Variants in SVOP observed in about 807,000 individuals in gnomAD.
SVOP encodes the protein SV2 related protein.
A neutral mutation model predicts 69.1 loss-of-function variants in SVOP; 17 were observed. That is an observed-to-expected ratio of 0.25 (90% CI 0.17 to 0.37). SVOP has a LOEUF of 0.37. Among genes scored for constraint, SVOP ranks in the 10% least tolerant of loss-of-function variants. The pLI, the probability that SVOP is intolerant of heterozygous loss-of-function variation, is 1.00. For synonymous variants in SVOP, 238 were observed against 238.6 expected (o/e 1.00, Z 0.02); for missense variants, 435 against 597.5 (o/e 0.73, Z 2.84).
intron 5 of SVOP, among the ~76,000 whole-genome samples, chr12:108,970,015 C>T (rs943494161): frequency 6.6e-6 from 1 of 152,222 alleles, no homozygotes; most frequent in Non-Finnish European, 1.5e-5. Flanking sequence ...TAGTTTCCAG[C>T]CTGCTGCCTC....
chr12:108,988,960 A>G (rs991663191), intron 1 of SVOP, among the ~76,000 whole-genome samples: 2 of 151,456 alleles, frequency 1.3e-5, no homozygotes, highest in African/African-American at 4.9e-5. Flanking sequence ...TTTAGTAAAG[A>G]CGGGGTTTCA....
intron 2 of SVOP, among the ~76,000 whole-genome samples, chr12:108,980,344 T>A (rs902092033): frequency 6.6e-6 from 1 of 152,052 alleles, no homozygotes; most frequent in Non-Finnish European, 1.5e-5. Context: ...TTTTTTAGTT[T>A]AGTTGTTAAC....
rs143363150 is a variant in SVOP at position 108,959,503 on chromosome 12, G to A, written c.578+1420C>T. ...CAAGTATCTGGGACTACAGGTGCCC[G>A]CCACCAAGCCCGGAAAATTTTTGTA... On this transcript the variant is annotated intron_variant, in intron 6 of 15. Transcript: ENST00000610966. 2.3e-3 allele frequency among the ~76,000 whole-genome samples: 349 copies of A among 152,012 alleles called. 7 individuals are homozygous for A. Among genetic ancestry groups the A allele is most frequent in the African/African-American group, 8.0e-3 (333 of 41,482 alleles).
chr12:108,959,582 G>A (rs553095691), intron 6 of SVOP, among the ~76,000 whole-genome samples: 115 of 152,138 alleles, frequency 7.6e-4, no homozygotes, highest in Non-Finnish European at 1.3e-3. Context: ...TCAAACTCCT[G>A]AGCTCAAGTG....
intron 9 of SVOP, among the ~76,000 whole-genome samples, chr12:108,937,997 C>G (rs2039866716): frequency 6.6e-6 from 1 of 152,124 alleles, no homozygotes; most frequent in African/African-American, 2.4e-5. Flanking sequence ...GATCTCTCCC[C>G]AAAGGCAACC....
chr12:108,920,836 A>G (rs1419066292), intron 12 of SVOP, among the ~76,000 whole-genome samples: 1 of 152,084 alleles, frequency 6.6e-6, no homozygotes, highest in Non-Finnish European at 1.5e-5. Context: ...ACCTCAGGTA[A>G]TCTGCCTGCC....
Position 108,938,969 on chromosome 12 carries a change from G to T in SVOP, c.769-14C>A, listed in dbSNP as rs1361558713. 5.6e-6 allele frequency: 9 copies of T among 1,613,778 alleles called. No individual in the cohort carries two copies. Among genetic ancestry groups the T allele is most frequent in the Non-Finnish European group, 7.6e-6 (9 of 1,179,834 alleles). On this transcript the variant is annotated splice_polypyrimidine_tract_variant and intron_variant, in intron 8 of 15. Coordinates refer to ENST00000610966, the MANE Select transcript of SVOP (RefSeq NM_018711.5). The stretch of plus-strand genomic sequence containing the variant: ...TTCAGGCAGCCACTGGGATGGGGGA[G>T]ACAGGAAACCCAGGCGTGGCTGGTT...
intron 11 of SVOP, among the ~76,000 whole-genome samples, chr12:108,923,479 G>C (rs770687552): frequency 6.6e-6 from 1 of 152,206 alleles, no homozygotes; most frequent in South Asian, 2.1e-4. Flanking sequence ...CATAGGTGGG[G>C]TGGTGGGTCC....
At chr12:108,922,578 G>C (rs746321339) in intron 12 of SVOP, 112 bp downstream of exon 12, 1 of 749,088 alleles carries the variant, frequency 1.3e-6, no homozygotes, top group East Asian at 2.7e-5. Context: ...AAAGTCCCTC[G>C]CTGACTAAAA....
At chr12:108,937,797 C>G (rs989237704) in intron 9 of SVOP, among the ~76,000 whole-genome samples, 2 of 152,230 alleles carry the variant, frequency 1.3e-5, no homozygotes, top group Admixed American at 6.5e-5. Flanking sequence ...AGCTAAATGA[C>G]CGATTGGCCA....
At chr12:109,003,829 A>C (rs945213706) in intron 1 of SVOP, among the ~76,000 whole-genome samples, 33 of 152,124 alleles carry the variant, frequency 2.2e-4, no homozygotes, top group African/African-American at 7.0e-4. Flanking sequence ...GCTGGTCTCA[A>C]ACTCCTGGGC....
Position 109,020,757 on chromosome 12 carries a change from C to G in SVOP, c.35+77G>C. ...TCAAGAAACCATGCAGAGATGTACC[C>G]CCCCCCACCCCCCTTGCAGGTTTTC... On this transcript the variant is annotated intron_variant, in intron 1 of 15. Transcript: ENST00000610966. The G allele has an allele frequency of 7.0e-6, 2 of 287,318 alleles. 1 individual carries two copies. Among genetic ancestry groups the G allele is most frequent in the Non-Finnish European group, 1.4e-5 (2 of 146,520 alleles). The allele number at this position is 287,318 out of a possible 1,614,324, so 17.8% of individuals were successfully genotyped here.
chr12:109,001,856 C>G (rs2040272562), intron 1 of SVOP, among the ~76,000 whole-genome samples: 1 of 151,492 alleles, frequency 6.6e-6, no homozygotes, highest in Non-Finnish European at 1.5e-5. Flanking sequence ...CATAAAAACC[C>G]TAGAAGAAAA....
At chr12:108,997,297 C>T (rs1246520300) in intron 1 of SVOP, among the ~76,000 whole-genome samples, 5 of 152,222 alleles carry the variant, frequency 3.3e-5, no homozygotes, top group Non-Finnish European at 7.3e-5. Context: ...CCGCACCTGG[C>T]TCGGAGGGTC....
At chr12:108,934,728 G>A (rs998937305) in intron 10 of SVOP, among the ~76,000 whole-genome samples, 1 of 152,146 alleles carries the variant, frequency 6.6e-6, no homozygotes, top group Admixed American at 6.5e-5. Context: ...GTGACCTCTG[G>A]TCATCCTCAC....
At chr12:108,953,590 CT>C (rs2039969303) in intron 6 of SVOP, among the ~76,000 whole-genome samples, 1 of 152,172 alleles carries the variant, frequency 6.6e-6, no homozygotes, top group African/African-American at 2.4e-5. Context: ...TTAATGGAAA[CT>C]TTTAATTGCA....
chr12:109,015,161 G>A (rs2040361226), intron 1 of SVOP, among the ~76,000 whole-genome samples: 1 of 152,178 alleles, frequency 6.6e-6, no homozygotes. Context: ...GTACCTTGGA[G>A]AAGAGCTTTC....
chr12:108,943,140 G>T lies in SVOP; in HGVS notation c.642+1963C>A, dbSNP rs1023926403. On this transcript the variant is annotated intron_variant, in intron 7 of 15. Transcript: ENST00000610966. Reference sequence around the variant, plus strand: ...CTGGGACCCTGACTCTACAACTACAGTCCATTCCAAAACCTGGCCCTCCAG... The same window carrying T: ...CTGGGACCCTGACTCTACAACTACATTCCATTCCAAAACCTGGCCCTCCAG... Among the ~76,000 whole-genome samples, 13 of 152,050 alleles carry T rather than the reference G, an allele frequency of 8.5e-5. No homozygotes were observed. In the East Asian group the frequency reaches 2.5e-3, roughly 29 times the overall value.
intron 1 of SVOP, among the ~76,000 whole-genome samples, chr12:108,994,255 A>G (rs1313304962): frequency 2.6e-5 from 4 of 152,196 alleles, no homozygotes; most frequent in African/African-American, 9.6e-5. Context: ...GCACTTTGGG[A>G]GGCCAAGGTG....
Sources: allele counts gnomAD v4.1 joint callset (sites outside exome capture counted in the v4.1 genomes callset), GRCh38; gene constraint gnomAD v4.1.1; transcripts MANE v1.5; gene names NCBI Gene and HGNC (gene_info 2026-07-23, HGNC 2026-07-21).